The following ZNF566 variants were observed in gnomAD, a reference collection of about 807,000 sequenced individuals.
ZNF566 encodes zinc finger protein 566.
In ZNF566, 27 loss-of-function variants were observed where a neutral mutation model predicts 32.8. That is an observed-to-expected ratio of 0.82 (90% confidence interval 0.61 to 1.14). ZNF566 has a LOEUF of 1.14. Among genes scored for constraint, ZNF566 ranks in the 50% most tolerant of loss-of-function variants. The probability of loss-of-function intolerance (pLI) is 0.00; values close to 1 mark genes in which losing one functional copy is unlikely to be tolerated. For synonymous variants in ZNF566, 154 were observed against 159.5 expected (o/e 0.97, Z 0.26); for missense variants, 402 against 490.4 (o/e 0.82, Z 1.70).
intron 2 of ZNF566, chr19:36,476,306 G>GAAAAA: frequency 4.5e-6 from 1 of 223,600 alleles, no homozygotes; most frequent in Non-Finnish European, 8.0e-6. Context: ...ACTCCATCTC[G>GAAAAA]AAAAAAAAAA....
chr19:36,453,304 C>T (rs1478756340), intron 4 of ZNF566, among the ~76,000 whole-genome samples: 1 of 151,434 alleles, frequency 6.6e-6, no homozygotes, highest in Non-Finnish European at 1.5e-5. Flanking sequence ...GAAACCCTGT[C>T]TCTACTAAAA....
intron 4 of ZNF566, among the ~76,000 whole-genome samples, chr19:36,469,727 T>G (rs1012548278): frequency 6.6e-6 from 1 of 152,098 alleles, no homozygotes; most frequent in South Asian, 2.1e-4. Context: ...TACCAAACAC[T>G]GTGAGTGTCT....
intron 4 of ZNF566, among the ~76,000 whole-genome samples, chr19:36,454,895 C>T (rs1194361355): frequency 6.6e-6 from 1 of 152,092 alleles, no homozygotes; most frequent in Non-Finnish European, 1.5e-5. Context: ...ATAGTATTAC[C>T]CTGATACCAA....
intron 4 of ZNF566, among the ~76,000 whole-genome samples, chr19:36,466,428 TACTAATACAGAGGGCCA>T (rs2033615264): frequency 6.6e-6 from 1 of 152,192 alleles, no homozygotes; most frequent in African/African-American, 2.4e-5. Context: ...AGTCTCAACC[TACTAATACAGAGGGCCA>T]ACTATACGTA....
chr19:36,483,506 G>A (rs990771132), intron 1 of ZNF566, among the ~76,000 whole-genome samples: 1 of 152,004 alleles, frequency 6.6e-6, no homozygotes, highest in Non-Finnish European at 1.5e-5. Context: ...AAGCGGGGTT[G>A]GGGGGAAGCT....
At chr19:36,453,244 G>C (rs902948700) in intron 4 of ZNF566, among the ~76,000 whole-genome samples, 1 of 151,924 alleles carries the variant, frequency 6.6e-6, no homozygotes, top group Non-Finnish European at 1.5e-5. Flanking sequence ...GGAGGCCGAG[G>C]TGTGCAGATC....
rs962647305 is a variant in ZNF566 at position 36,446,375 on chromosome 19, G to C, written c.*2602C>G. 1.3e-5 allele frequency: 2 copies of C among 151,180 alleles called. No homozygotes were observed. The highest frequency in any genetic ancestry group is 4.9e-5 in the African/African-American group (2 of 41,042). 9.4% of individuals were successfully genotyped at this position (151,180 alleles called of 1,614,324 possible). A position where few individuals can be genotyped will look rare whatever the true frequency, so the allele number is the denominator to read the frequency against. On this transcript the variant is annotated 3_prime_UTR_variant, in exon 5 of 5. Transcript: ENST00000452939. ...CAACCTCCGCCTCCCGGGTTCAAGCGATTCTCCTGCCTCAGCCTTCCGAGC... is the reference window on the plus strand; with the variant it reads ...CAACCTCCGCCTCCCGGGTTCAAGCCATTCTCCTGCCTCAGCCTTCCGAGC...
At chr19:36,481,510 G>A (rs913766276) in intron 1 of ZNF566, among the ~76,000 whole-genome samples, 9 of 150,578 alleles carry the variant, frequency 6.0e-5, no homozygotes, top group Non-Finnish European at 1.3e-4. Context: ...AGAACACTGA[G>A]GTACTATTTC....
chr19:36,449,408 TTC>T lies in ZNF566; in HGVS notation c.824_825del (p.Arg275AsnfsTer5). The T allele has an allele frequency of 1.9e-6, 3 of 1,614,182 alleles. No homozygotes were observed. Among genetic ancestry groups the T allele is most frequent in the Non-Finnish European group, 2.5e-6 (3 of 1,180,016 alleles). ...TCATAAGGCTTCTCACCTGTGTGAA[TTC>T]TCTGATGTCGAGTGAAGTTTGAACC... is the stretch of plus-strand genomic sequence containing the variant. ...SSGSNFTRHQ[R>X]IHTGEKPYEC... On this transcript the variant is annotated frameshift_variant, in exon 5 of 5. Transcript: ENST00000452939. LOFTEE classifies it high-confidence loss of function.
chr19:36,449,379 G>A lies in ZNF566; in HGVS notation c.855C>T (p.Cys285=). 3 of 1,613,880 alleles carry A rather than the reference G, an allele frequency of 1.9e-6. No individual in the cohort carries two copies. Among genetic ancestry groups the A allele is most frequent in the Non-Finnish European group, 1.7e-6 (2 of 1,179,966 alleles). ...TACTAAAGGCCTTCCCGCATTCTTTGCATTCATAAGGCTTCTCACCTGTGT... is the reference window on the plus strand; with the variant it reads ...TACTAAAGGCCTTCCCGCATTCTTTACATTCATAAGGCTTCTCACCTGTGT... ...RIHTGEKPYE[C]KECGKAFSSG... The change falls in exon 5 of 5, where the codon TGC becomes TGT. Residue 285 remains cysteine (C), a synonymous_variant. Transcript: ENST00000452939.
chr19:36,486,855 C>T (rs1440164502), intron 1 of ZNF566, among the ~76,000 whole-genome samples: 1 of 151,670 alleles, frequency 6.6e-6, no homozygotes, highest in African/African-American at 2.4e-5. Context: ...TGCAGTGGCT[C>T]ACACTTATAA....
intron 1 of ZNF566, among the ~76,000 whole-genome samples, chr19:36,483,679 A>G (rs960812925): frequency 3.9e-5 from 6 of 152,204 alleles, no homozygotes; most frequent in Non-Finnish European, 5.9e-5. Flanking sequence ...GAATAAACAA[A>G]TGGGGACAAA....
chr19:36,471,528 G>T (rs137922768), intron 4 of ZNF566, among the ~76,000 whole-genome samples: 5 of 152,096 alleles, frequency 3.3e-5, no homozygotes, highest in African/African-American at 1.2e-4. Flanking sequence ...AACTTACTAT[G>T]GTGCTTCTTC....
rs190148421 is a variant in ZNF566 at position 36,473,101 on chromosome 19, G to A, written c.137-95C>T. The A allele has an allele frequency of 6.8e-4, 845 of 1,238,408 alleles. 2 individuals are homozygous for A. Among genetic ancestry groups the A allele is most frequent in the Admixed American group, 1.3e-3 (67 of 50,136 alleles). The allele number at this position is 1,238,408 out of a possible 1,614,324, so 76.7% of individuals were successfully genotyped here. ...ATTATAAAGAAAGACATGGCATTAT[G>A]AGAAGAGTCAAAGAGAGGTACAACG... On this transcript the variant is annotated intron_variant, in intron 3 of 4. Coordinates refer to ENST00000452939, the MANE Select transcript of ZNF566 (RefSeq NM_001145344.1).
At chr19:36,488,543 C>T (rs1222277581) in intron 1 of ZNF566, among the ~76,000 whole-genome samples, 1 of 152,070 alleles carries the variant, frequency 6.6e-6, no homozygotes, top group African/African-American at 2.4e-5. Flanking sequence ...ATATATGAAC[C>T]GGCAATTCTG....
At chr19:36,481,446 C>T (rs1391008533) in intron 1 of ZNF566, among the ~76,000 whole-genome samples, 1 of 143,772 alleles carries the variant, frequency 7.0e-6, no homozygotes, top group Non-Finnish European at 1.5e-5. Context: ...ACTCCAGCCC[C>T]GGCAACAGAG....
At chr19:36,486,466 G>A (rs2034163144) in intron 1 of ZNF566, among the ~76,000 whole-genome samples, 1 of 152,016 alleles carries the variant, frequency 6.6e-6, no homozygotes, top group South Asian at 2.1e-4. Context: ...GAGATCAGGA[G>A]TTTGAGACCA....
chr19:36,484,545 G>A (rs531838224), intron 1 of ZNF566, among the ~76,000 whole-genome samples: 2 of 151,542 alleles, frequency 1.3e-5, no homozygotes, highest in South Asian at 4.2e-4. Context: ...TAAAACTAAT[G>A]CGTGAGAAAA....
intron 4 of ZNF566, among the ~76,000 whole-genome samples, chr19:36,459,841 C>T (rs1296098559): frequency 7.3e-6 from 1 of 137,182 alleles, no homozygotes; most frequent in Non-Finnish European, 1.5e-5. Context: ...TTTTTTGAGA[C>T]AGAACCTTGC....
Sources: gnomAD v4.1 joint callset for allele counts (sites outside exome capture counted in the v4.1 genomes callset) on GRCh38, gnomAD v4.1.1 for gene constraint, MANE v1.5 for transcripts, NCBI Gene and HGNC (gene_info 2026-07-23, HGNC 2026-07-21) for gene names.